KCNJ1: variants seen among roughly 807,000 people sequenced by gnomAD.
KCNJ1 encodes ATP-sensitive inward rectifier potassium channel 1.
Under a neutral mutation model 21.9 loss-of-function variants are expected in KCNJ1, and 24 were observed. That is an observed-to-expected ratio of 1.10 (90% CI 0.79 to 1.54). The LOEUF (loss-of-function observed/expected upper bound fraction) is 1.54. Among genes scored for constraint, KCNJ1 ranks in the 40% most tolerant of loss-of-function variants. KCNJ1 has a pLI of 0.00. For missense variants in KCNJ1, 457 were observed against 455.4 expected, an observed-to-expected ratio of 1.00 and a Z score of -0.03; for synonymous variants, 152 against 160.9, an observed-to-expected ratio of 0.94 and a Z score of 0.42.
rs1040704346 is a variant in KCNJ1 at position 128,839,049 on chromosome 11, T to C, written c.*76A>G. 5.1e-6 allele frequency: 7 copies of C among 1,371,998 alleles called. No individual in the cohort carries two copies. The highest frequency in any genetic ancestry group is 7.2e-6 in the Non-Finnish European group (7 of 975,884). 85.0% of individuals were successfully genotyped at this position (1,371,998 alleles called of 1,614,324 possible). A position where few individuals can be genotyped will look rare whatever the true frequency, so the allele number is the denominator to read the frequency against. The stretch of plus-strand genomic sequence containing the variant: ...CTCATCCTACTTTCGTACCCCTAAA[T>C]TGTTGACTGCTTCATAATGCTTCTA... On this transcript the variant is annotated 3_prime_UTR_variant, in exon 3 of 3. Transcript: ENST00000392666.
intron 1 of KCNJ1, among the ~76,000 whole-genome samples, chr11:128,858,445 G>C (rs1378657708): frequency 6.6e-6 from 1 of 152,236 alleles, no homozygotes; most frequent in East Asian, 1.9e-4. Context: ...CAACAGCTAG[G>C]GTTTGTTGAA....
chr11:128,842,363 T>C lies in KCNJ1; in HGVS notation c.-21-2099A>G, dbSNP rs768515977. The C allele has an allele frequency of 2.5e-6, 4 of 1,613,688 alleles. No individual in the cohort carries two copies. In the Middle Eastern group the frequency reaches 5.0e-4, roughly 200 times the overall value. On this transcript the variant is annotated intron_variant, in intron 2 of 2. Coordinates refer to ENST00000392666, the MANE Select transcript of KCNJ1 (RefSeq NM_153766.3). ...CTGCCTGGCTTTCCAGAGAGGTGAT[T>C]TCCCCAGCCTCCACTTACCAACGTG... is the stretch of plus-strand genomic sequence containing the variant.
chr11:128,840,028 A>G lies in KCNJ1; in HGVS notation c.216T>C (p.Ser72=). ...ACCACAGGAGACCAAAGAAAAACCA[A>G]CTCCCCAAGAAGGCTGTGATGAAAA... The part of the protein sequence containing the change: ...MTIFITAFLG[S]WFFFGLLWYA... The change falls in exon 3 of 3, where the codon AGT becomes AGC. Residue 72 remains serine (S), a synonymous_variant. Transcript: ENST00000392666. 6.2e-7 allele frequency: 1 copy of G among 1,613,798 alleles called. No individual in the cohort carries two copies. Among genetic ancestry groups the G allele is most frequent in the African/African-American group, 1.3e-5 (1 of 74,936 alleles).
At chr11:128,852,838 G>A (rs1053497702) in intron 1 of KCNJ1, among the ~76,000 whole-genome samples, 3 of 152,250 alleles carry the variant, frequency 2.0e-5, no homozygotes, top group African/African-American at 7.2e-5. Flanking sequence ...AGACAAGCAG[G>A]AAGGGGGGCA....
chr11:128,864,972 A>G (rs1034350724), intron 1 of KCNJ1, among the ~76,000 whole-genome samples: 11 of 151,994 alleles, frequency 7.2e-5, no homozygotes, highest in African/African-American at 2.7e-4. Flanking sequence ...ACACTGCCCA[A>G]GTTCCTCAGC....
chr11:128,844,895 A>G (rs1399367936), intron 2 of KCNJ1, among the ~76,000 whole-genome samples: 2 of 152,190 alleles, frequency 1.3e-5, no homozygotes, highest in Admixed American at 1.3e-4. Flanking sequence ...AACCTCTCAT[A>G]GCTCATGCAC....
At chr11:128,843,928 T>C (rs1943333619) in intron 2 of KCNJ1, among the ~76,000 whole-genome samples, 1 of 152,138 alleles carries the variant, frequency 6.6e-6, no homozygotes, top group Non-Finnish European at 1.5e-5. Flanking sequence ...CAATAATCTA[T>C]GAAATGACCA....
intron 1 of KCNJ1, among the ~76,000 whole-genome samples, chr11:128,853,414 G>A (rs1943513411): frequency 6.6e-6 from 1 of 152,238 alleles, no homozygotes; most frequent in Non-Finnish European, 1.5e-5. Flanking sequence ...AGAGGCCAGA[G>A]ATTGTATGAT....
chr11:128,853,765 C>G lies in KCNJ1; in HGVS notation c.-191-2875G>C, dbSNP rs548134153. Among the ~76,000 whole-genome samples, 35 of 152,364 alleles carry G rather than the reference C, an allele frequency of 2.3e-4. No homozygotes were observed. In the South Asian group the frequency reaches 7.0e-3, roughly 31 times the overall value. ...CAACTCTCAACCCACTTCCCCATGC[C>G]TTTGGGCCCTTGTTGGAACCTCGGC... On this transcript the variant is annotated intron_variant, in intron 1 of 2. Transcript: ENST00000392666.
intron 1 of KCNJ1, among the ~76,000 whole-genome samples, chr11:128,856,178 G>T (rs1319294136): frequency 2.0e-5 from 3 of 152,212 alleles, no homozygotes; most frequent in Non-Finnish European, 4.4e-5. Flanking sequence ...TTATCCGGCT[G>T]CTAGGGACAA....
intron 1 of KCNJ1, chr11:128,866,477 G>C: frequency 1.3e-6 from 1 of 767,148 alleles, no homozygotes; most frequent in Non-Finnish European, 1.6e-6. Flanking sequence ...AAGCGTCTAT[G>C]CACCAAATCT....
intron 1 of KCNJ1, among the ~76,000 whole-genome samples, chr11:128,862,741 C>T (rs1158701074): frequency 6.6e-6 from 1 of 152,208 alleles, no homozygotes; most frequent in Non-Finnish European, 1.5e-5. Flanking sequence ...TTAGCCCATG[C>T]CTGTGGCTTA....
chr11:128,855,521 G>T (rs948278229), intron 1 of KCNJ1, among the ~76,000 whole-genome samples: 1 of 152,218 alleles, frequency 6.6e-6, no homozygotes, highest in Non-Finnish European at 1.5e-5. Flanking sequence ...CAGCAAATGA[G>T]GTTGGCAAAG....
rs77876430 is a variant in KCNJ1, at chr11:128,852,218, C to T, written c.-191-1328G>A. 9.2e-5 allele frequency among the ~76,000 whole-genome samples: 14 copies of T among 152,324 alleles called. No individual in the cohort carries two copies. In the East Asian group the frequency reaches 1.2e-3, roughly 13 times the overall value. ...GCTGTTAATACCTTGAGTCATACTACGTGCAACTCCAGTTTCTCCTTCAAG... is the reference window on the plus strand; with the variant it reads ...GCTGTTAATACCTTGAGTCATACTATGTGCAACTCCAGTTTCTCCTTCAAG... On this transcript the variant is annotated intron_variant, in intron 1 of 2. Transcript: ENST00000392666.
intron 1 of KCNJ1, among the ~76,000 whole-genome samples, chr11:128,852,003 A>G (rs1413616813): frequency 6.6e-6 from 1 of 152,200 alleles, no homozygotes; most frequent in African/African-American, 2.4e-5. Context: ...CCCAGTCCCA[A>G]CAAGTGGCCT....
intron 1 of KCNJ1, among the ~76,000 whole-genome samples, chr11:128,856,684 A>AC (rs1943597137): frequency 6.6e-6 from 1 of 151,902 alleles, no homozygotes; most frequent in Non-Finnish European, 1.5e-5. Flanking sequence ...TGGCACACCC[A>AC]CCCCCGAGTC....
At chr11:128,849,122 T>C (rs1943438574) in intron 2 of KCNJ1, among the ~76,000 whole-genome samples, 1 of 152,174 alleles carries the variant, frequency 6.6e-6, no homozygotes, top group African/African-American at 2.4e-5. Context: ...AAGGTGTTGT[T>C]GGATTTAAAC....
In KCNJ1 at chr11:128,845,121, T is replaced by C. The variant is rs146191068; in HGVS notation, c.-21-4857A>G. On this transcript the variant is annotated intron_variant, in intron 2 of 2. Coordinates refer to ENST00000392666, the MANE Select transcript of KCNJ1 (RefSeq NM_153766.3). Reference sequence around the variant, plus strand: ...TCTTGAGGATTTTCCATTGCAATGATTGAATGGGATTATGGGGCAGAGCCC... The same window carrying C: ...TCTTGAGGATTTTCCATTGCAATGACTGAATGGGATTATGGGGCAGAGCCC... Among the ~76,000 whole-genome samples, 16 of 152,382 alleles carry C rather than the reference T, an allele frequency of 1.0e-4. No individual in the cohort carries two copies. The East Asian group carries it at 2.7e-3, about 26-fold the overall frequency.
chr11:128,839,331 G>T lies in KCNJ1; in HGVS notation c.913C>A (p.Arg305Ser). The T allele has an allele frequency of 6.2e-7, 1 of 1,614,100 alleles. No homozygotes were observed. The highest frequency in any genetic ancestry group is 1.7e-5 in the Admixed American group (1 of 60,020). The change falls in exon 3 of 3, where the codon CGT (arginine) becomes AGT (serine). Residue 305 changes from arginine to serine, a missense_variant. By Grantham distance (110) the Arg-to-Ser change is moderately radical. Transcript: ENST00000392666. The part of the protein sequence containing the change: ...YVPEEVLWGY[R>S]FAPIVSKTKE... ...GTCTTGGATACTATGGGAGCAAAAC[G>T]GTAGCCCCAAAGCACCTCCTCTGGG...
Sources: allele counts gnomAD v4.1 joint callset (sites outside exome capture counted in the v4.1 genomes callset), GRCh38; gene constraint gnomAD v4.1.1; transcripts MANE v1.5; gene names NCBI Gene and HGNC (gene_info 2026-07-23, HGNC 2026-07-21).